LRRC53: variants seen among roughly 807,000 people sequenced by gnomAD.
LRRC53 encodes leucine rich repeat containing 53.
In LRRC53, 25 loss-of-function variants were observed where a neutral mutation model predicts 13.6. The observed-to-expected ratio is 1.83, with a 90% CI of 1.34 to 2.56. The LOEUF is 2.56. Ranked by LOEUF, LRRC53 falls within the 30% of genes most tolerant of loss-of-function variation. The pLI is 0.00. For missense variants in LRRC53, 527 were observed against 275.8 expected (o/e 1.91, Z -6.45); for synonymous variants, 204 against 109.8 (o/e 1.86, Z -5.37).
rs569603268 is a variant in LRRC53, at chr1:74,469,640, T to A, written c.*238A>T. On this transcript the variant is annotated 3_prime_UTR_variant, in exon 5 of 5. Transcript: ENST00000294635. Reference sequence around the variant, plus strand: ...TTGGCAAAACTTTTCTTACTTGTTTTTTCATTCCTTAGAGAAGCATACTCA... The same window carrying A: ...TTGGCAAAACTTTTCTTACTTGTTTATTCATTCCTTAGAGAAGCATACTCA... The A allele has an allele frequency of 1.1e-5, 4 of 352,754 alleles. No homozygotes were observed. In the East Asian group the frequency reaches 1.7e-4, roughly 15 times the overall value. 21.9% of individuals were successfully genotyped at this position (352,754 alleles called of 1,614,324 possible).
chr1:74,497,898 C>G (rs912630542), intron 1 of LRRC53, among the ~76,000 whole-genome samples: 5 of 152,160 alleles, frequency 3.3e-5, no homozygotes, highest in Admixed American at 2.6e-4. Context: ...TTTCATCATA[C>G]GTTCCAGTGG....
rs1667819794 is a variant in LRRC53 at position 74,469,510 on chromosome 1, C to A, written c.*368G>T. ...TAATTGAGATATGTATAATAATTTA[C>A]ATGAAATAAACATCAAATGTAAATC... On this transcript the variant is annotated 3_prime_UTR_variant, in exon 5 of 5. Coordinates refer to ENST00000294635, the MANE Select transcript of LRRC53 (RefSeq NM_001382280.1). 1 of 162,874 alleles carries A rather than the reference C, an allele frequency of 6.1e-6. No homozygotes were observed. Among genetic ancestry groups the A allele is most frequent in the South Asian group, 2.0e-4 (1 of 4,950 alleles). 10.1% of individuals were successfully genotyped at this position (162,874 alleles called of 1,614,324 possible). A position where few individuals can be genotyped will look rare whatever the true frequency, so the allele number is the denominator to read the frequency against.
At chr1:74,485,304 T>G (rs887630193) in intron 1 of LRRC53, among the ~76,000 whole-genome samples, 8 of 152,172 alleles carry the variant, frequency 5.3e-5, no homozygotes, top group African/African-American at 1.9e-4. Context: ...GAGAAAACAG[T>G]AAGAACAATG....
At chr1:74,532,965 G>A in the LRRC53 span, among the ~76,000 whole-genome samples, 1 of 152,130 alleles carries the variant, frequency 6.6e-6, no homozygotes, top group Non-Finnish European at 1.5e-5. Context: ...AAAAGCCCTA[G>A]AATAAAACCT....
chr1:74,469,750 G>T lies in LRRC53; in HGVS notation c.*128C>A. 2.5e-6 allele frequency: 1 copy of T among 396,170 alleles called. No homozygotes were observed. Among genetic ancestry groups the T allele is most frequent in the Non-Finnish European group, 4.5e-6 (1 of 224,690 alleles). The allele number at this position is 396,170 out of a possible 1,614,324, so 24.5% of individuals were successfully genotyped here. A position where few individuals can be genotyped will look rare whatever the true frequency, so the allele number is the denominator to read the frequency against. On this transcript the variant is annotated 3_prime_UTR_variant, in exon 5 of 5. Transcript: ENST00000294635. Reference sequence around the variant, plus strand: ...CTGGTTTTATTTTATTGATAACAAAGAGTTACTGAGGACGTTGTTGTCCTC... The same window carrying T: ...CTGGTTTTATTTTATTGATAACAAATAGTTACTGAGGACGTTGTTGTCCTC...
chr1:74,476,445 A>G (rs1015438869), intron 3 of LRRC53, among the ~76,000 whole-genome samples: 2 of 152,102 alleles, frequency 1.3e-5, no homozygotes, highest in Non-Finnish European at 1.5e-5. Flanking sequence ...ATTCATTCAT[A>G]TGCTTGTTCG....
At chr1:74,531,628 C>T in the LRRC53 span, among the ~76,000 whole-genome samples, 1 of 152,180 alleles carries the variant, frequency 6.6e-6, no homozygotes, top group East Asian at 1.9e-4. Context: ...GATTTATTAT[C>T]CTAGTGTAAA....
At chr1:74,517,075 T>C (rs541046498), upstream of LRRC53, among the ~76,000 whole-genome samples, 3 of 152,348 alleles carry the variant, frequency 2.0e-5, no homozygotes, top group African/African-American at 7.2e-5. Context: ...ATTATTTAAT[T>C]CAGCTTTTCC....
chr1:74,521,059 C>T, the LRRC53 span, among the ~76,000 whole-genome samples: 19 of 152,168 alleles, frequency 1.2e-4, no homozygotes, highest in African/African-American at 4.3e-4. Flanking sequence ...AGTGTTCTTA[C>T]AGCTATTTCT....
chr1:74,491,195 A>G (rs534849496), intron 1 of LRRC53, among the ~76,000 whole-genome samples: 2 of 152,236 alleles, frequency 1.3e-5, no homozygotes, highest in East Asian at 3.9e-4. Context: ...GAAAAGAGAT[A>G]ATTAGGGTGA....
the LRRC53 span, among the ~76,000 whole-genome samples, chr1:74,522,164 G>C: frequency 6.6e-6 from 1 of 152,164 alleles, no homozygotes; most frequent in Non-Finnish European, 1.5e-5. Context: ...TAATATAGCA[G>C]GTGAAGCATT....
intron 4 of LRRC53, among the ~76,000 whole-genome samples, chr1:74,473,496 A>G (rs1668038784): frequency 6.6e-6 from 1 of 152,040 alleles, no homozygotes; most frequent in African/African-American, 2.4e-5. Context: ...CTTAACCGCA[A>G]AAAATCCTAA....
chr1:74,499,440 C>A (rs752286137), intron 1 of LRRC53, among the ~76,000 whole-genome samples: 1 of 152,110 alleles, frequency 6.6e-6, no homozygotes, highest in Admixed American at 6.6e-5. Context: ...CCCACAATAA[C>A]TTTTATTAAA....
chr1:74,521,974 T>C, the LRRC53 span, among the ~76,000 whole-genome samples: 1 of 152,176 alleles, frequency 6.6e-6, no homozygotes, highest in African/African-American at 2.4e-5. Flanking sequence ...AACAGGTAAC[T>C]GAGATCCAGG....
the LRRC53 span, among the ~76,000 whole-genome samples, chr1:74,532,918 G>C: frequency 2.8e-4 from 43 of 152,254 alleles, no homozygotes; most frequent in Admixed American, 2.7e-3. Context: ...ATTAATTCAA[G>C]ATGGATTAAA....
At chr1:74,485,095 A>C (rs927353281) in intron 1 of LRRC53, among the ~76,000 whole-genome samples, 1 of 152,206 alleles carries the variant, frequency 6.6e-6, no homozygotes, top group African/African-American at 2.4e-5. Flanking sequence ...CCATTGTATC[A>C]AAGAACTTTC....
chr1:74,489,567 A>T (rs560268001), intron 1 of LRRC53, among the ~76,000 whole-genome samples: 2 of 152,202 alleles, frequency 1.3e-5, no homozygotes, highest in Non-Finnish European at 2.9e-5. Flanking sequence ...TATTTAATCA[A>T]TTTTTATGCA....
chr1:74,525,752 T>G, the LRRC53 span, among the ~76,000 whole-genome samples: 1 of 151,826 alleles, frequency 6.6e-6, no homozygotes, highest in East Asian at 1.9e-4. Context: ...GCATCCACAG[T>G]CATGGTCTTG....
intron 4 of LRRC53, among the ~76,000 whole-genome samples, chr1:74,473,664 T>C (rs1668050358): frequency 2.6e-5 from 4 of 152,034 alleles, no homozygotes; most frequent in Admixed American, 2.6e-4. Context: ...GTAAACTAAG[T>C]TCCAGACTAG....
Sources: gnomAD v4.1 joint callset for allele counts (sites outside exome capture counted in the v4.1 genomes callset) on GRCh38, gnomAD v4.1.1 for gene constraint, MANE v1.5 for transcripts, NCBI Gene and HGNC (gene_info 2026-07-23, HGNC 2026-07-21) for gene names.